The following MED12L variants were observed in gnomAD, a reference collection of about 807,000 sequenced individuals.
MED12L encodes the protein mediator complex subunit 12L, also known as mediator of RNA polymerase II transcription subunit 12-like protein.
In MED12L, 60 loss-of-function variants were observed where a neutral mutation model predicts 281.3. That is an observed-to-expected ratio of 0.21 (90% CI 0.17 to 0.26). The LOEUF (loss-of-function observed/expected upper bound fraction) is 0.26. Among genes scored for constraint, MED12L ranks in the 10% least tolerant of loss-of-function variants. MED12L has a pLI of 1.00. For synonymous variants in MED12L, 974 were observed against 987.2 expected (o/e 0.99, Z 0.25); for missense variants, 2,146 against 2,680.9 (o/e 0.80, Z 4.41).
chr3:151,296,790 A>G (rs1745156717), intron 16 of MED12L, among the ~76,000 whole-genome samples: 1 of 151,952 alleles, frequency 6.6e-6, no homozygotes, highest in African/African-American at 2.4e-5. Context: ...TCATTTCTCA[A>G]TTTTTACTTC....
chr3:151,110,133 A>G (rs1213510893), intron 2 of MED12L, among the ~76,000 whole-genome samples: 2 of 152,164 alleles, frequency 1.3e-5, no homozygotes, highest in East Asian at 3.8e-4. Flanking sequence ...TACAAGAGGA[A>G]GCTATTTGTG....
intron 26 of MED12L, among the ~76,000 whole-genome samples, chr3:151,371,398 G>A (rs1350211476): frequency 6.6e-6 from 1 of 152,204 alleles, no homozygotes; most frequent in Non-Finnish European, 1.5e-5. Context: ...TTCAGCTCCT[G>A]AAGTGATCTA....
intron 2 of MED12L, among the ~76,000 whole-genome samples, chr3:151,109,760 T>C (rs1711584449): frequency 6.6e-6 from 1 of 152,234 alleles, no homozygotes; most frequent in Non-Finnish European, 1.5e-5. Flanking sequence ...CATGGTCTCT[T>C]CTGCTTCCCA....
At position 151,122,806 on chromosome 3, in the gene MED12L, A is replaced by G; in HGVS notation, c.228A>G (p.Ile76Met). 1 of 1,605,774 alleles carries G rather than the reference A, an allele frequency of 6.2e-7. No homozygotes were observed. The highest frequency in any genetic ancestry group is 2.2e-5 in the East Asian group (1 of 44,808). The change falls in exon 4 of 45, where the codon ATA (isoleucine) becomes ATG (methionine). Residue 76 changes from isoleucine (I) to methionine (M), a missense_variant. Around this residue, in one of 9 missense-constraint regions of MED12L, gnomAD observed 722 missense variants for 861.2 expected, o/e 0.84. Transcript: ENST00000687756. Reference sequence around the variant, plus strand: ...AGATTGGAGCTTATTTTAGCAGCATATTAGCTGAGAAACTGAAGCTTAACA... The same window carrying G: ...AGATTGGAGCTTATTTTAGCAGCATGTTAGCTGAGAAACTGAAGCTTAACA... ...PSKIGAYFSS[I>M]LAEKLKLNTF...
At chr3:151,210,187 A>C (rs1373626936) in intron 16 of MED12L, among the ~76,000 whole-genome samples, 1 of 152,208 alleles carries the variant, frequency 6.6e-6, no homozygotes, top group Non-Finnish European at 1.5e-5. Context: ...AAATTGGATC[A>C]TGTTCCATCC....
At chr3:151,269,625 G>A (rs1740505081) in intron 16 of MED12L, 4 of 366,350 alleles carry the variant, frequency 1.1e-5, no homozygotes, top group South Asian at 9.8e-5. Flanking sequence ...AAGACAAAGA[G>A]GCACTGTATT....
chr3:151,377,705 A>G (rs1385585895), intron 30 of MED12L, among the ~76,000 whole-genome samples: 2 of 152,180 alleles, frequency 1.3e-5, no homozygotes, highest in East Asian at 1.9e-4. Flanking sequence ...ACAGAAAAGT[A>G]TATTGTTTGT....
At chr3:151,087,110 C>G (rs1247597816) in intron 2 of MED12L, 85 bp downstream of exon 2, 1 of 1,119,696 alleles carries the variant, frequency 8.9e-7, no homozygotes, top group African/African-American at 1.6e-5. Flanking sequence ...CGGGCATCGC[C>G]GGCGCTGCGG....
intron 2 of MED12L, among the ~76,000 whole-genome samples, chr3:151,104,916 A>G (rs1378991693): frequency 2.0e-5 from 3 of 152,310 alleles, no homozygotes; most frequent in South Asian, 2.1e-4. Flanking sequence ...ATATGTGGAC[A>G]TTAGCTATGC....
chr3:151,355,289 T>TAAAAATTTTTTTCATGC, intron 18 of MED12L, 50 bp downstream of exon 18: 1 of 1,358,090 alleles, frequency 7.4e-7, no homozygotes, highest in East Asian at 2.3e-5. Context: ...CTAATTTACT[T>TAAAAATTTTTTTCATGC]AAAAATTTTT....
chr3:151,123,679 C>A (rs1028489602), intron 4 of MED12L, among the ~76,000 whole-genome samples: 3 of 152,036 alleles, frequency 2.0e-5, no homozygotes, highest in African/African-American at 7.2e-5. Context: ...TGAAATAATC[C>A]CAGGGGTCTT....
chr3:151,098,318 C>T (rs917219910), intron 2 of MED12L, among the ~76,000 whole-genome samples: 3 of 152,202 alleles, frequency 2.0e-5, no homozygotes, highest in African/African-American at 4.8e-5. Context: ...CCCTGACATT[C>T]AGAACTGGAA....
chr3:151,349,909 G>T, intron 16 of MED12L, 150 bp from the exon 17 acceptor site: 1 of 523,606 alleles, frequency 1.9e-6, no homozygotes, highest in Non-Finnish European at 3.3e-6. Flanking sequence ...CAAGGGTGTT[G>T]CCAGTGGAGG....
At chr3:151,111,939 T>A (rs903210052) in intron 2 of MED12L, among the ~76,000 whole-genome samples, 4 of 152,304 alleles carry the variant, frequency 2.6e-5, no homozygotes, top group African/African-American at 9.6e-5. Flanking sequence ...CTGTGTCCCC[T>A]GCACTTTCAG....
At chr3:151,163,741 G>A (rs1312201308) in intron 8 of MED12L, 152 bp from the exon 9 acceptor site, 3 of 603,550 alleles carry the variant, frequency 5.0e-6, no homozygotes, top group Non-Finnish European at 5.2e-6. Flanking sequence ...TCTCAATTGC[G>A]AAGTTGAGAA....
chr3:151,210,082 T>C (rs1287228404), intron 16 of MED12L, among the ~76,000 whole-genome samples: 1 of 152,180 alleles, frequency 6.6e-6, no homozygotes, highest in Non-Finnish European at 1.5e-5. Flanking sequence ...TTTCCTATGG[T>C]AGCCAGATGA....
chr3:151,158,921 G>A, intron 7 of MED12L, 122 bp downstream of exon 7: 1 of 695,948 alleles, frequency 1.4e-6, no homozygotes, highest in Non-Finnish European at 2.5e-6. Context: ...AGGAAAAAAT[G>A]TCTTTGATGC....
chr3:151,160,656 T>G (rs1353033606), intron 8 of MED12L, among the ~76,000 whole-genome samples: 1 of 152,198 alleles, frequency 6.6e-6, no homozygotes, highest in Non-Finnish European at 1.5e-5. Context: ...CTTGAGCTCT[T>G]AATGTGTTCT....
intron 2 of MED12L, among the ~76,000 whole-genome samples, chr3:151,092,221 G>C (rs1576706411): frequency 1.3e-5 from 2 of 151,980 alleles, no homozygotes; most frequent in South Asian, 2.1e-4. Flanking sequence ...TCTTAGCTCG[G>C]AAACTCCCCC....
Sources: allele counts gnomAD v4.1 joint callset (sites outside exome capture counted in the v4.1 genomes callset), GRCh38; gene constraint gnomAD v4.1.1; regional missense constraint gnomAD v4.1.1; transcripts MANE v1.5; gene names NCBI Gene and HGNC (gene_info 2026-07-23, HGNC 2026-07-21).